The following TBC1D2B variants were observed in gnomAD, a reference collection of about 807,000 sequenced individuals.
TBC1D2B encodes TBC1 domain family member 2B.
TBC1D2B carries 64 observed loss-of-function variants against 100.8 expected under a neutral mutation model. The observed-to-expected ratio is 0.64, with a 90% confidence interval of 0.52 to 0.78. The LOEUF (loss-of-function observed/expected upper bound fraction) is 0.78. Ranked by LOEUF, TBC1D2B falls within the 30% of genes least tolerant of loss-of-function variation. TBC1D2B has a pLI of 0.00. For synonymous variants in TBC1D2B, 480 were observed against 479.7 expected (o/e 1.00, Z -0.01); for missense variants, 1,052 against 1,218.4 (o/e 0.86, Z 2.03).
chr15:78,074,936 T>C (rs1048090291), intron 1 of TBC1D2B, among the ~76,000 whole-genome samples: 7 of 152,236 alleles, frequency 4.6e-5, no homozygotes, highest in African/African-American at 1.4e-4. Flanking sequence ...TCATATGCCA[T>C]GTAGTGCCTA....
At chr15:77,998,497 G>T in intron 12 of TBC1D2B, 142 bp from the exon 13 acceptor site, 3 of 695,020 alleles carry the variant, frequency 4.3e-6, no homozygotes, top group Non-Finnish European at 6.9e-6. Flanking sequence ...AGGGGATGAG[G>T]CCCACCTTCT....
At chr15:78,001,208 G>A (rs540701340) in intron 12 of TBC1D2B, among the ~76,000 whole-genome samples, 3 of 152,060 alleles carry the variant, frequency 2.0e-5, no homozygotes, top group Admixed American at 1.3e-4. Context: ...GCCTTTCTCC[G>A]GCCTGGGATC....
At chr15:78,007,417 T>C (rs894021032) in intron 10 of TBC1D2B, among the ~76,000 whole-genome samples, 4 of 152,132 alleles carry the variant, frequency 2.6e-5, no homozygotes, top group Admixed American at 1.3e-4. Flanking sequence ...AGATGTAAGC[T>C]TCCAGGCAGG....
intron 9 of TBC1D2B, among the ~76,000 whole-genome samples, chr15:78,010,607 G>A (rs915385076): frequency 6.6e-6 from 1 of 151,950 alleles, no homozygotes; most frequent in Non-Finnish European, 1.5e-5. Flanking sequence ...AACAAGACAC[G>A]CAAGCAGAGA....
rs769113464 is a variant in TBC1D2B at position 78,030,016 on chromosome 15, C to T, written c.838G>A (p.Gly280Arg). Residue 280 changes from glycine to arginine, a missense_variant, in exon 4 of 13, where the codon GGA (glycine) becomes AGA (arginine). Gly to Arg is a moderately radical substitution (Grantham distance 125, BLOSUM62 -2). Around this residue, in one of 4 missense-constraint regions of TBC1D2B, gnomAD observed 627 missense variants for 646.1 expected, o/e 0.97. Coordinates refer to ENST00000300584, the MANE Select transcript of TBC1D2B (RefSeq NM_144572.2). ...GGAAGTACATTGATACCTTTGTTTC[C>T]TTCAGGGGTCAGCTTCTTCTTTTCT... is the stretch of plus-strand genomic sequence containing the variant. ...QEEKKKLTPE[G>R]NKGVTGSGFP... 14 of 1,606,540 alleles carry T rather than the reference C, an allele frequency of 8.7e-6. No homozygotes were observed. Among genetic ancestry groups the T allele is most frequent in the Non-Finnish European group, 1.1e-5 (13 of 1,177,578 alleles).
chr15:78,068,952 T>C (rs2073703646), intron 1 of TBC1D2B, among the ~76,000 whole-genome samples: 1 of 152,232 alleles, frequency 6.6e-6, no homozygotes. Context: ...CGAAAATTGC[T>C]AATGAAAATG....
intron 1 of TBC1D2B, among the ~76,000 whole-genome samples, chr15:78,058,473 TGCTGGTCTGGCCCCA>T (rs1311839894): frequency 6.6e-6 from 1 of 152,228 alleles, no homozygotes; most frequent in East Asian, 1.9e-4. Context: ...CCCAGGCATC[TGCTGGTCTGGCCCCA>T]GCTATAGTGC....
intron 7 of TBC1D2B, 126 bp downstream of exon 7, chr15:78,017,720 AT>A: frequency 1.7e-6 from 1 of 574,498 alleles, no homozygotes; most frequent in Admixed American, 3.4e-5. Context: ...TTTTAAATAT[AT>A]TTTGTTATCA....
At chr15:78,055,681 A>AAGGATCTTTGGGTATTTTCATTAC (rs1220591470) in intron 1 of TBC1D2B, among the ~76,000 whole-genome samples, 1 of 152,196 alleles carries the variant, frequency 6.6e-6, no homozygotes, top group Non-Finnish European at 1.5e-5. Context: ...AGTTAAAGAA[A>AAGGATCTTTGGGTATTTTCATTAC]AGGATCTTTG....
At chr15:78,040,867 A>G (rs1198775202) in intron 3 of TBC1D2B, among the ~76,000 whole-genome samples, 2 of 142,280 alleles carry the variant, frequency 1.4e-5, no homozygotes, top group African/African-American at 5.6e-5. Flanking sequence ...AGAAAGAAAG[A>G]AAGAAAGAAA....
chr15:78,031,813 A>G (rs1182861768), intron 3 of TBC1D2B, among the ~76,000 whole-genome samples: 1 of 152,198 alleles, frequency 6.6e-6, no homozygotes, highest in African/African-American at 2.4e-5. Context: ...AAAAATTAAA[A>G]ATACAGGAAA....
chr15:78,073,283 T>C (rs892483024), intron 1 of TBC1D2B, among the ~76,000 whole-genome samples: 8 of 152,184 alleles, frequency 5.3e-5, no homozygotes, highest in Non-Finnish European at 1.2e-4. Flanking sequence ...AAGACTTACA[T>C]AGAAAAACAT....
chr15:78,066,741 T>A (rs1051403151), intron 1 of TBC1D2B, among the ~76,000 whole-genome samples: 3 of 152,138 alleles, frequency 2.0e-5, no homozygotes, highest in African/African-American at 4.8e-5. Flanking sequence ...GGCCAGAGGG[T>A]ATGCCTTACA....
intron 2 of TBC1D2B, among the ~76,000 whole-genome samples, chr15:78,050,923 T>C (rs2073300587): frequency 6.6e-6 from 1 of 152,230 alleles, no homozygotes; most frequent in East Asian, 1.9e-4. Flanking sequence ...GCTAAAATAC[T>C]TGGCTTCCCA....
chr15:78,009,391 T>C (rs2072159037), intron 9 of TBC1D2B, among the ~76,000 whole-genome samples: 1 of 151,952 alleles, frequency 6.6e-6, no homozygotes, highest in South Asian at 2.1e-4. Flanking sequence ...AAACCAAAAA[T>C]CAGCCAGGAG....
At chr15:78,044,005 A>G (rs2073142413) in intron 3 of TBC1D2B, among the ~76,000 whole-genome samples, 2 of 149,902 alleles carry the variant, frequency 1.3e-5, no homozygotes, top group African/African-American at 2.4e-5. Flanking sequence ...AGCCTGGGTA[A>G]CAGAACAAGA....
At chr15:78,032,417 A>AT (rs1555420110) in intron 3 of TBC1D2B, among the ~76,000 whole-genome samples, 72 of 150,380 alleles carry the variant, frequency 4.8e-4, no homozygotes, top group Non-Finnish European at 8.0e-4. Flanking sequence ...CAATAAAAAA[A>AT]ATATATATAT....
chr15:78,036,745 T>A (rs951557112), intron 3 of TBC1D2B, among the ~76,000 whole-genome samples: 8 of 152,208 alleles, frequency 5.3e-5, no homozygotes, highest in Non-Finnish European at 1.2e-4. Context: ...AAGCCACCAG[T>A]GTTATGGTCA....
Position 78,068,010 on chromosome 15 carries a change from C to T in TBC1D2B, c.360+9283G>A, listed in dbSNP as rs142393559. On this transcript the variant is annotated intron_variant, in intron 1 of 12. Transcript: ENST00000300584. ...TTACACAAATCACAGATTTCTGGCC[C>T]TGGGCCATATCCAGATTAGTATTTT... Among the ~76,000 whole-genome samples the T allele has an allele frequency of 2.6e-4, 40 of 152,340 alleles. No homozygotes were observed. In the South Asian group the frequency reaches 4.4e-3, roughly 17 times the overall value.
Sources: allele counts gnomAD v4.1 joint callset (sites outside exome capture counted in the v4.1 genomes callset), GRCh38; gene constraint gnomAD v4.1.1; regional missense constraint gnomAD v4.1.1; transcripts MANE v1.5; gene names NCBI Gene and HGNC (gene_info 2026-07-23, HGNC 2026-07-21).